The following DSCAM variants were observed in gnomAD, a reference collection of about 807,000 sequenced individuals.
The protein encoded by DSCAM is cell adhesion molecule DSCAM.
A neutral mutation model predicts 217.7 loss-of-function variants in DSCAM; 47 were observed. The ratio of observed to expected loss-of-function variants is 0.22; its 90% CI spans 0.17 to 0.28. The LOEUF (loss-of-function observed/expected upper bound fraction) is 0.28, where lower values mean the gene tolerates loss of function less well. DSCAM is among the 10% of genes least tolerant of loss of function. The pLI is 1.00. For missense variants in DSCAM, 2,080 were observed against 2,618.3 expected (o/e 0.79, Z 4.49); for synonymous variants, 1,056 against 1,015.3 (o/e 1.04, Z -0.76).
intron 3 of DSCAM, among the ~76,000 whole-genome samples, chr21:40,608,449 T>G (rs1178957334): frequency 6.6e-6 from 1 of 152,240 alleles, no homozygotes; most frequent in African/African-American, 2.4e-5. Context: ...TCTCATTTCC[T>G]AAACGGTGTT....
At chr21:40,811,147 G>A (rs1229781912) in intron 1 of DSCAM, among the ~76,000 whole-genome samples, 4 of 152,122 alleles carry the variant, frequency 2.6e-5, no homozygotes, top group Admixed American at 6.5e-5. Flanking sequence ...TTTCCAGTGG[G>A]CTTCTGCCAG....
At chr21:40,690,106 C>T (rs932313230) in intron 3 of DSCAM, among the ~76,000 whole-genome samples, 1 of 152,178 alleles carries the variant, frequency 6.6e-6, no homozygotes, top group Non-Finnish European at 1.5e-5. Context: ...AACCCTTCTC[C>T]ACCTAAACCT....
chr21:40,205,324 C>T (rs1386331441), intron 11 of DSCAM, among the ~76,000 whole-genome samples: 5 of 152,182 alleles, frequency 3.3e-5, no homozygotes, highest in African/African-American at 1.2e-4. Flanking sequence ...ACTCTTGGGC[C>T]TGGTGCAGTG....
At chr21:40,744,469 G>A (rs1306957519) in intron 1 of DSCAM, among the ~76,000 whole-genome samples, 1 of 43,296 alleles carries the variant, frequency 2.3e-5, no homozygotes, top group South Asian at 6.3e-4. Flanking sequence ...TGGAAATTAA[G>A]TTCCTTTGGA....
At chr21:40,427,968 CA>C (rs2075491566) in intron 3 of DSCAM, among the ~76,000 whole-genome samples, 2 of 152,148 alleles carry the variant, frequency 1.3e-5, no homozygotes, top group East Asian at 3.9e-4. Context: ...TAAATTCTTC[CA>C]GACCTTGACC....
At chr21:40,223,676 T>C (rs2146908473) in intron 11 of DSCAM, among the ~76,000 whole-genome samples, 1 of 152,328 alleles carries the variant, frequency 6.6e-6, no homozygotes, top group Non-Finnish European at 1.5e-5. Flanking sequence ...TAACATGATC[T>C]AATAAAATGC....
At chr21:40,533,574 C>T (rs996662082) in intron 3 of DSCAM, among the ~76,000 whole-genome samples, 34 of 142,918 alleles carry the variant, frequency 2.4e-4, no homozygotes, top group African/African-American at 9.1e-4. Flanking sequence ...TCCATCCATC[C>T]ATCCATCCAA....
rs1230762329 is a variant in DSCAM, at chr21:40,036,044, A to C, written c.5686+6327T>G. On this transcript the variant is annotated intron_variant, in intron 32 of 32. Transcript: ENST00000400454. ...TATAGAGGGAAATTTATAGCACTAAATGCCCACAAGAGAAAGCAGGAAAGA... is the reference window on the plus strand; with the variant it reads ...TATAGAGGGAAATTTATAGCACTAACTGCCCACAAGAGAAAGCAGGAAAGA... Among the ~76,000 whole-genome samples the C allele has an allele frequency of 3.8e-5, 5 of 130,010 alleles. No homozygotes were observed. The South Asian group carries it at 1.2e-3, about 31-fold the overall frequency. 85.3% of individuals were successfully genotyped at this position (130,010 alleles called of 152,430 possible).
chr21:40,154,921 G>C lies in DSCAM; in HGVS notation c.3019-10190C>G, dbSNP rs545641007. 4.6e-5 allele frequency among the ~76,000 whole-genome samples: 7 copies of C among 152,278 alleles called. No individual in the cohort carries two copies. In the East Asian group the frequency reaches 1.2e-3, roughly 25 times the overall value. ...AGCTGAGGAGGAAAGAGTGGCCAAG[G>C]TATATGTGGGCTTTGCCTTGAGACA... On this transcript the variant is annotated intron_variant, in intron 16 of 32. Transcript: ENST00000400454.
intron 9 of DSCAM, among the ~76,000 whole-genome samples, chr21:40,308,922 G>A (rs2123482959): frequency 6.6e-6 from 1 of 152,148 alleles, no homozygotes; most frequent in Middle Eastern, 3.4e-3. Context: ...TCACACCATG[G>A]TTGTTATTAT....
intron 1 of DSCAM, among the ~76,000 whole-genome samples, chr21:40,826,102 C>T (rs1025668496): frequency 6.6e-5 from 10 of 152,230 alleles, no homozygotes; most frequent in Non-Finnish European, 1.3e-4. Context: ...ATTTTAAGTA[C>T]TCTGACTTCC....
At chr21:40,648,357 A>G (rs996674633) in intron 3 of DSCAM, among the ~76,000 whole-genome samples, 6 of 151,898 alleles carry the variant, frequency 4.0e-5, no homozygotes, top group Non-Finnish European at 7.4e-5. Context: ...GATTTTAGGA[A>G]TTGCTAGGGT....
chr21:40,810,488 G>A (rs1462114349), intron 1 of DSCAM, among the ~76,000 whole-genome samples: 3 of 152,230 alleles, frequency 2.0e-5, no homozygotes, highest in Non-Finnish European at 4.4e-5. Flanking sequence ...TGGGTAGAGT[G>A]TTTAAGCTTT....
intron 3 of DSCAM, among the ~76,000 whole-genome samples, chr21:40,553,124 C>T (rs1481477844): frequency 1.3e-5 from 2 of 152,150 alleles, no homozygotes; most frequent in Admixed American, 1.3e-4. Context: ...AAGGACAAAG[C>T]CTCTTAGGGA....
chr21:40,044,889 C>G (rs78583266), intron 30 of DSCAM, among the ~76,000 whole-genome samples: 2 of 152,160 alleles, frequency 1.3e-5, no homozygotes, highest in African/African-American at 4.8e-5. Context: ...GCGTGAATCA[C>G]GTCCCCCCAA....
chr21:40,828,089 G>C (rs2091984182), intron 1 of DSCAM, among the ~76,000 whole-genome samples: 1 of 152,092 alleles, frequency 6.6e-6, no homozygotes. Context: ...TGGAAGAGGG[G>C]GAAGTTGAGG....
At chr21:40,571,352 T>C (rs1228661523) in intron 3 of DSCAM, among the ~76,000 whole-genome samples, 1 of 152,186 alleles carries the variant, frequency 6.6e-6, no homozygotes, top group Non-Finnish European at 1.5e-5. Context: ...GTGATAGATA[T>C]CTCAATTACC....
chr21:40,586,656 G>A (rs1219789788), intron 3 of DSCAM, among the ~76,000 whole-genome samples: 1 of 152,198 alleles, frequency 6.6e-6, no homozygotes, highest in South Asian at 2.1e-4. Context: ...GCCTTAAGGT[G>A]CAAGATATTT....
At chr21:40,558,253 T>C (rs1401232532) in intron 3 of DSCAM, among the ~76,000 whole-genome samples, 6 of 152,122 alleles carry the variant, frequency 3.9e-5, no homozygotes, top group Non-Finnish European at 7.3e-5. Context: ...GAGACCATCC[T>C]GGTTAACACG....
Sources: allele counts gnomAD v4.1 joint callset (sites outside exome capture counted in the v4.1 genomes callset), GRCh38; gene constraint gnomAD v4.1.1; transcripts MANE v1.5; gene names NCBI Gene and HGNC (gene_info 2026-07-23, HGNC 2026-07-21).